The following PTPRD variants were observed in gnomAD, a reference collection of about 807,000 sequenced individuals.
PTPRD encodes receptor-type tyrosine-protein phosphatase delta.
Under a neutral mutation model 214.5 loss-of-function variants are expected in PTPRD, and 34 were observed. That is an observed-to-expected ratio of 0.16 (90% CI 0.12 to 0.21). The LOEUF is 0.21. Ranked by LOEUF, PTPRD falls within the 10% of genes least tolerant of loss-of-function variation. The probability of loss-of-function intolerance (pLI) is 1.00; values close to 1 mark genes in which losing one functional copy is unlikely to be tolerated. For missense variants in PTPRD, 2,545 were observed against 2,398.7 expected (o/e 1.06, Z -1.27); for synonymous variants, 1,128 against 845.7 (o/e 1.33, Z -5.79).
intron 9 of PTPRD, among the ~76,000 whole-genome samples, chr9:9,305,036 G>A (rs1033364992): frequency 3.4e-5 from 5 of 149,116 alleles, no homozygotes; most frequent in Non-Finnish European, 4.4e-5. Flanking sequence ...AATACTTCAC[G>A]CCCACCTGTT....
intron 11 of PTPRD, among the ~76,000 whole-genome samples, chr9:8,895,664 T>A (rs1201645976): frequency 6.6e-6 from 1 of 152,160 alleles, no homozygotes; most frequent in Non-Finnish European, 1.5e-5. Flanking sequence ...AATCCCAGGT[T>A]TTTAATCCAT....
chr9:9,725,166 T>C (rs1223780419), intron 7 of PTPRD, among the ~76,000 whole-genome samples: 2 of 152,208 alleles, frequency 1.3e-5, no homozygotes, highest in Non-Finnish European at 2.9e-5. Context: ...TCTCATCTTG[T>C]AGCTCCTAAA....
chr9:9,962,509 A>ACATTAAGC (rs150703671), intron 4 of PTPRD, among the ~76,000 whole-genome samples: 1 of 152,032 alleles, frequency 6.6e-6, no homozygotes, highest in Non-Finnish European at 1.5e-5. Flanking sequence ...ATTCACCCAA[A>ACATTAAGC]CATTAAGCCA....
At chr9:9,518,087 C>T (rs2096879881) in intron 8 of PTPRD, among the ~76,000 whole-genome samples, 1 of 152,014 alleles carries the variant, frequency 6.6e-6, no homozygotes. Flanking sequence ...AGGAAGGAAA[C>T]TTCAAGTAAT....
intron 12 of PTPRD, among the ~76,000 whole-genome samples, chr9:8,682,706 G>A (rs1003406459): frequency 6.6e-6 from 1 of 152,154 alleles, no homozygotes; most frequent in African/African-American, 2.4e-5. Context: ...GAAAATTAAG[G>A]AGGCTGAAAT....
At chr9:8,819,996 C>T (rs541572146) in intron 11 of PTPRD, among the ~76,000 whole-genome samples, 1 of 152,194 alleles carries the variant, frequency 6.6e-6, no homozygotes, top group Admixed American at 6.5e-5. Flanking sequence ...TTAAAGTAGC[C>T]ATTCACAGCA....
chr9:10,333,864 C>G (rs1343331171), intron 3 of PTPRD, among the ~76,000 whole-genome samples: 1 of 151,744 alleles, frequency 6.6e-6, no homozygotes, highest in Non-Finnish European at 1.5e-5. Context: ...GACTTGCTAC[C>G]TTCTCAATAT....
At chr9:8,354,770 T>C (rs1328115001) in intron 39 of PTPRD, among the ~76,000 whole-genome samples, 1 of 152,218 alleles carries the variant, frequency 6.6e-6, no homozygotes, top group Non-Finnish European at 1.5e-5. Context: ...ATGGGAGTTT[T>C]ACTATGAACA....
intron 12 of PTPRD, among the ~76,000 whole-genome samples, chr9:8,670,551 A>G (rs1042538094): frequency 5.9e-5 from 9 of 152,228 alleles, no homozygotes; most frequent in Admixed American, 3.9e-4. Context: ...TCACAACAGT[A>G]ACCACTATGC....
At chr9:8,445,476 A>G (rs1343089810) in intron 34 of PTPRD, among the ~76,000 whole-genome samples, 2 of 152,120 alleles carry the variant, frequency 1.3e-5, no homozygotes, top group Non-Finnish European at 2.9e-5. Context: ...TCACAGACTG[A>G]CAGGATATTT....
At chr9:10,081,654 G>C (rs975810343) in intron 3 of PTPRD, among the ~76,000 whole-genome samples, 1 of 152,018 alleles carries the variant, frequency 6.6e-6, no homozygotes, top group African/African-American at 2.4e-5. Flanking sequence ...TGTTGTTTAT[G>C]AACCACCCAG....
chr9:9,080,119 A>G (rs1591242712), intron 10 of PTPRD, among the ~76,000 whole-genome samples: 1 of 152,056 alleles, frequency 6.6e-6, no homozygotes, highest in East Asian at 1.9e-4. Context: ...CTATCACTGT[A>G]CTAGATCCCT....
chr9:9,333,242 A>G (rs1313529551), intron 9 of PTPRD, among the ~76,000 whole-genome samples: 3 of 151,742 alleles, frequency 2.0e-5, no homozygotes, highest in Non-Finnish European at 2.9e-5. Flanking sequence ...TGTAGGTGAC[A>G]TAGAATAAGG....
intron 7 of PTPRD, among the ~76,000 whole-genome samples, chr9:9,691,723 C>T (rs1469426628): frequency 6.6e-6 from 1 of 152,036 alleles, no homozygotes; most frequent in Non-Finnish European, 1.5e-5. Flanking sequence ...AGTAGTTGTA[C>T]TAATTTACAT....
At chr9:10,281,118 A>C (rs78972572) in intron 3 of PTPRD, among the ~76,000 whole-genome samples, 4 of 152,124 alleles carry the variant, frequency 2.6e-5, no homozygotes, top group Non-Finnish European at 2.9e-5. Context: ...AAGAACAGCA[A>C]TCTCTCCTTA....
intron 9 of PTPRD, among the ~76,000 whole-genome samples, chr9:9,365,522 T>C (rs2057631501): frequency 2.0e-5 from 3 of 151,576 alleles, no homozygotes; most frequent in Non-Finnish European, 4.4e-5. Flanking sequence ...TCTACCTTTA[T>C]CTGAGGTAGT....
intron 10 of PTPRD, among the ~76,000 whole-genome samples, chr9:9,025,536 G>T (rs1050052446): frequency 1.3e-4 from 20 of 152,000 alleles, no homozygotes; most frequent in Admixed American, 2.6e-4. Flanking sequence ...TTGTAAACTA[G>T]CTAATATTCA....
intron 8 of PTPRD, among the ~76,000 whole-genome samples, chr9:9,526,042 C>T (rs997356361): frequency 3.9e-5 from 6 of 152,108 alleles, no homozygotes; most frequent in Admixed American, 1.3e-4. Context: ...GGTAGATACG[C>T]ATACCAAAGG....
chr9:8,343,149 A>T (rs1042106584), intron 39 of PTPRD, among the ~76,000 whole-genome samples: 17 of 151,390 alleles, frequency 1.1e-4, no homozygotes, highest in African/African-American at 3.6e-4. Context: ...GTAAGAGATC[A>T]TTTTTTTTTT....
Sources: allele counts gnomAD v4.1 joint callset (sites outside exome capture counted in the v4.1 genomes callset), GRCh38; gene constraint gnomAD v4.1.1; transcripts MANE v1.5; gene names NCBI Gene and HGNC (gene_info 2026-07-23, HGNC 2026-07-21).